Variants in BBS2 observed in about 807,000 individuals in gnomAD.
BBS2 encodes the protein Bardet-Biedl syndrome 2.
BBS2 carries 62 observed loss-of-function variants against 83.0 expected under a neutral mutation model. The ratio of observed to expected loss-of-function variants is 0.75; its 90% CI spans 0.61 to 0.92. The LOEUF (loss-of-function observed/expected upper bound fraction) is 0.92. Ranked by LOEUF, BBS2 falls within the 40% of genes least tolerant of loss-of-function variation. BBS2 has a pLI of 0.00. For synonymous variants in BBS2, 303 were observed against 326.1 expected (o/e 0.93, Z 0.76); for missense variants, 784 against 901.0 (o/e 0.87, Z 1.66).
chr16:56,506,160 A>C lies in BBS2; in HGVS notation c.677T>G (p.Val226Gly). 2 of 1,614,098 alleles carry C rather than the reference A, an allele frequency of 1.2e-6. No individual in the cohort carries two copies. The highest frequency in any genetic ancestry group is 1.7e-6 in the Non-Finnish European group (2 of 1,179,974). ...TCGGGATGTTTTGTCATAAACTCCA[A>C]CTGTGCCATTGGAAAGGGCATAACC... The part of the protein sequence containing the change: ...RFGYALSNGT[V>G]GVYDKTSRYW... Residue 226 changes from valine to glycine, a missense_variant, in exon 6 of 17, where the codon GTT becomes GGT. Val to Gly is a moderately radical substitution (Grantham distance 109, BLOSUM62 -3). Transcript: ENST00000245157.
At chr16:56,472,925 T>TTTTGGTTTGG (rs55711786) in intron 17 of BBS2, among the ~76,000 whole-genome samples, 8 of 151,452 alleles carry the variant, frequency 5.3e-5, no homozygotes, top group South Asian at 2.1e-4. Context: ...GCTTTTTTTG[T>TTTTGGTTTGG]TTTGGTTTGG....
chr16:56,511,012 C>T, intron 3 of BBS2, 91 bp from the exon 4 acceptor site: 1 of 1,565,070 alleles, frequency 6.4e-7, no homozygotes. Flanking sequence ...TTACACAAAA[C>T]ACGAATGAAT....
At chr16:56,508,508 C>T (rs1279574184) in intron 5 of BBS2, among the ~76,000 whole-genome samples, 2 of 151,994 alleles carry the variant, frequency 1.3e-5, no homozygotes, top group African/African-American at 4.8e-5. Flanking sequence ...CTGTTTGAGT[C>T]TTGCCCAATC....
intron 17 of BBS2, among the ~76,000 whole-genome samples, chr16:56,474,238 TGTC>T (rs1185308763): frequency 6.6e-6 from 1 of 152,138 alleles, no homozygotes; most frequent in Non-Finnish European, 1.5e-5. Flanking sequence ...ATAATATTCA[TGTC>T]GTATTTTTTA....
downstream of BBS2, chr16:56,470,422 T>C: frequency 1.4e-6 from 2 of 1,434,668 alleles, no homozygotes; most frequent in Non-Finnish European, 1.9e-6. Flanking sequence ...AACGATCAGC[T>C]TTTATTCTGT....
At chr16:56,515,591 T>C (rs1359405799) in intron 1 of BBS2, among the ~76,000 whole-genome samples, 5 of 152,210 alleles carry the variant, frequency 3.3e-5, no homozygotes, top group Admixed American at 6.5e-5. Context: ...CTTCTAGTTC[T>C]AAAATTTTTA....
rs141401728 is a variant in BBS2, at chr16:56,501,436, G to A, written c.1142C>T (p.Thr381Ile). The change falls in exon 10 of 17, where the codon ACC (threonine) becomes ATC (isoleucine). Residue 381 changes from threonine to isoleucine, a missense_variant. Coordinates refer to ENST00000245157, the MANE Select transcript of BBS2 (RefSeq NM_031885.5). The part of the protein sequence containing the change: ...DGHRGIIPAN[T>I]RLHTTLSVSL... ...GACTGAGAGCGTGGTGTGGAGCCTG[G>A]TATTGGCTGGGATTATGCCCCGATG... 3.1e-6 allele frequency: 5 copies of A among 1,614,030 alleles called. No homozygotes were observed. The African/African-American group carries it at 6.7e-5, about 22-fold the overall frequency.
intron 17 of BBS2, chr16:56,476,404 T>TAAA (rs59188420): frequency 2.4e-4 from 76 of 312,760 alleles, no homozygotes; most frequent in Middle Eastern, 8.3e-4. Context: ...ATCTCTTGAT[T>TAAA]AAAAAAAAAA....
chr16:56,496,072 T>C (rs1267659854), intron 15 of BBS2, among the ~76,000 whole-genome samples: 2 of 152,142 alleles, frequency 1.3e-5, no homozygotes, highest in Admixed American at 6.5e-5. Flanking sequence ...GCAAAACCAT[T>C]ATAATTATTT....
chr16:56,486,453 A>G (rs1379407612), intron 15 of BBS2, among the ~76,000 whole-genome samples: 1 of 152,248 alleles, frequency 6.6e-6, no homozygotes, highest in Non-Finnish European at 1.5e-5. Context: ...AAACAACCCA[A>G]TTATCCTCAG....
intron 1 of BBS2, among the ~76,000 whole-genome samples, chr16:56,518,080 G>A (rs1328096773): frequency 2.0e-5 from 3 of 152,154 alleles, no homozygotes; most frequent in Non-Finnish European, 4.4e-5. Context: ...GCCTCTCAAA[G>A]TGCTGGGATT....
intron 2 of BBS2, among the ~76,000 whole-genome samples, chr16:56,512,994 A>C (rs1964621324): frequency 6.6e-6 from 1 of 152,150 alleles, no homozygotes; most frequent in African/African-American, 2.4e-5. Flanking sequence ...CTCTCTAAAA[A>C]ATAAACAATT....
chr16:56,519,542 A>C (rs1160024304), intron 1 of BBS2: 1 of 576,018 alleles, frequency 1.7e-6, no homozygotes, highest in African/African-American at 1.9e-5. Context: ...CCTGATGACA[A>C]GAAAACGTCA....
chr16:56,503,161 C>T (rs1964325558), intron 7 of BBS2, among the ~76,000 whole-genome samples: 1 of 152,202 alleles, frequency 6.6e-6, no homozygotes, highest in Admixed American at 6.5e-5. Context: ...CAGAATCTAG[C>T]TCTGCCACGT....
chr16:56,475,574 C>T, intron 17 of BBS2: 2 of 1,611,514 alleles, frequency 1.2e-6, no homozygotes, highest in Non-Finnish European at 1.7e-6. Context: ...AGGTAAGTTT[C>T]TTCTGATAGC....
intron 12 of BBS2, chr16:56,499,310 G>A (rs537861859): frequency 8.2e-5 from 18 of 220,052 alleles, no homozygotes; most frequent in African/African-American, 3.5e-4. Context: ...TCGGGCCCCC[G>A]CAATAAGGTG....
At chr16:56,502,193 C>T (rs1964294498) in intron 9 of BBS2, 124 bp downstream of exon 9, 1 of 1,321,790 alleles carries the variant, frequency 7.6e-7, no homozygotes, top group Admixed American at 1.7e-5. Flanking sequence ...CCTCTCAATT[C>T]TGACAATGGC....
At chr16:56,475,065 C>A in intron 17 of BBS2, 2 of 1,072,064 alleles carry the variant, frequency 1.9e-6, no homozygotes, top group African/African-American at 1.6e-5. Context: ...CAGAATCTCA[C>A]ATCATGGGAT....
rs141046144 is a variant in BBS2, at chr16:56,500,871, G to A, written c.1380C>T (p.Phe460=). ...AGGGTCACCTGCTTCTGTAACCCACGAATGCCTTCAAGTGCAGATCCACAG... is the reference window on the plus strand; with the variant it reads ...AGGGTCACCTGCTTCTGTAACCCACAAATGCCTTCAAGTGCAGATCCACAG... ...DVPVDLHLKA[F]VGYRSSTQFH... Residue 460 remains phenylalanine, a synonymous_variant, in exon 11 of 17, where the codon TTC becomes TTT. Transcript: ENST00000245157. 1,463 of 1,614,056 alleles carry A rather than the reference G, an allele frequency of 9.1e-4. No individual in the cohort carries two copies. The highest frequency in any genetic ancestry group is 1.1e-3 in the Non-Finnish European group (1,331 of 1,179,988).
Sources: allele counts gnomAD v4.1 joint callset (sites outside exome capture counted in the v4.1 genomes callset), GRCh38; gene constraint gnomAD v4.1.1; transcripts MANE v1.5; gene names NCBI Gene and HGNC (gene_info 2026-07-23, HGNC 2026-07-21).